The following ZNF273 variants were observed in gnomAD, a reference collection of about 807,000 sequenced individuals.
The protein encoded by ZNF273 is zinc finger protein 273, also known as zinc finger protein 9.
Under a neutral mutation model 14.9 loss-of-function variants are expected in ZNF273, and 11 were observed. The observed-to-expected ratio is 0.74, with a 90% CI of 0.46 to 1.22. The LOEUF is 1.22. Ranked by LOEUF, ZNF273 falls within the 50% of genes most tolerant of loss-of-function variation. ZNF273 has a pLI of 0.00. For synonymous variants in ZNF273, 199 were observed against 223.9 expected (o/e 0.89, Z 0.99); for missense variants, 577 against 660.6 (o/e 0.87, Z 1.39).
chr7:64,908,229 C>T (rs1214780272), intron 1 of ZNF273, among the ~76,000 whole-genome samples: 1 of 152,244 alleles, frequency 6.6e-6, no homozygotes, highest in Admixed American at 6.5e-5. Flanking sequence ...GCACTATTCT[C>T]CACTCATGGA....
At chr7:64,882,306 C>T (rs972406011), downstream of ZNF273, among the ~76,000 whole-genome samples, 2 of 145,436 alleles carry the variant, frequency 1.4e-5, no homozygotes, top group African/African-American at 2.6e-5. Context: ...CCAATCGCCT[C>T]CTCCTCCAGG....
rs981944632 is a variant in ZNF273, at chr7:64,929,092, T to C, written c.*54T>C. On this transcript the variant is annotated 3_prime_UTR_variant, in exon 4 of 4. Coordinates refer to ENST00000476120, the MANE Select transcript of ZNF273 (RefSeq NM_021148.3). ...AGCGGTTGTCACACTTGATTGTATA[T>C]AAGATAATTCATACTGGAGAAAACT... 5 of 493,548 alleles carry C rather than the reference T, an allele frequency of 1.0e-5. No individual in the cohort carries two copies. The highest frequency in any genetic ancestry group is 1.4e-5 in the Non-Finnish European group (5 of 364,668). The allele number at this position is 493,548 out of a possible 1,614,324, so 30.6% of individuals were successfully genotyped here. A position where few individuals can be genotyped will look rare whatever the true frequency, so the allele number is the denominator to read the frequency against.
chr7:64,883,214 A>ACCC (rs57594044), downstream of ZNF273, among the ~76,000 whole-genome samples: 10,520 of 118,606 alleles, frequency 0.089, 662 homozygotes, highest in Non-Finnish European at 0.1. Context: ...CCAAATCACC[A>ACCC]CCCCCCCCTC....
chr7:64,929,004 G>T lies in ZNF273; in HGVS notation c.1676G>T (p.Arg559Ile). Residue 559 changes from arginine (R) to isoleucine (I), a missense_variant, in exon 4 of 4, where the codon AGA (arginine) becomes ATA (isoleucine). Physicochemically the swap from Arg to Ile is moderately conservative, Grantham distance 97 (BLOSUM62 -3). This residue lies in a region of ZNF273 where 411 missense variants were observed against 440.4 expected (regional missense o/e 0.93). Transcript: ENST00000476120. ...SAFDNTPNFS[R>I]HKRNHMGEKS is the part of the protein sequence containing the mutation. ...TTTGACAACACCCCAAACTTTTCTA[G>T]ACATAAAAGAAATCATATGGGTGAG... The T allele has an allele frequency of 6.4e-7, 1 of 1,561,094 alleles. No homozygotes were observed. Among genetic ancestry groups the T allele is most frequent in the Middle Eastern group, 1.7e-4 (1 of 5,776 alleles).
At chr7:64,897,890 CT>C (rs1300465288) in exon 4 of ZNF273, 1 of 113,628 alleles carries the variant, frequency 8.8e-6, no homozygotes, top group Non-Finnish European at 2.0e-5. Flanking sequence ...CCACGCCCGG[CT>C]AATTTTTTGT....
At chr7:64,923,751 A>G (rs1361239516) in intron 3 of ZNF273, 2 of 177,494 alleles carry the variant, frequency 1.1e-5, no homozygotes, top group East Asian at 3.5e-4. Context: ...TATGGGTATG[A>G]AAATGACTCT....
chr7:64,888,276 A>G (rs1791727666), intron 1 of ZNF273: 3 of 984,400 alleles, frequency 3.0e-6, no homozygotes, highest in East Asian at 1.1e-4. Context: ...CCCTGTCTCT[A>G]TGGGGGTCCT....
At chr7:64,899,348 CTATT>C (rs1204886779), upstream of ZNF273, among the ~76,000 whole-genome samples, 1 of 152,228 alleles carries the variant, frequency 6.6e-6, no homozygotes, top group African/African-American at 2.4e-5. Context: ...ATCTACATAA[CTATT>C]TATGCCTTCA....
Sources: allele counts gnomAD v4.1 joint callset (sites outside exome capture counted in the v4.1 genomes callset), GRCh38; gene constraint gnomAD v4.1.1; regional missense constraint gnomAD v4.1.1; transcripts MANE v1.5; gene names NCBI Gene and HGNC (gene_info 2026-07-23, HGNC 2026-07-21).